The following AP1G1 variants were observed in gnomAD, a reference collection of about 807,000 sequenced individuals.
AP1G1 encodes AP-1 complex subunit gamma-1.
A neutral mutation model predicts 108.3 loss-of-function variants in AP1G1; 7 were observed. The ratio of observed to expected loss-of-function variants is 0.06; its 90% CI spans 0.04 to 0.12. The LOEUF (loss-of-function observed/expected upper bound fraction) is 0.12. Ranked by LOEUF, AP1G1 falls within the 10% of genes least tolerant of loss-of-function variation. The pLI, the probability that AP1G1 is intolerant of heterozygous loss-of-function variation, is 1.00. For synonymous variants in AP1G1, 379 were observed against 353.5 expected, an observed-to-expected ratio of 1.07 and a Z score of -0.81; for missense variants, 756 against 1,010.7, an observed-to-expected ratio of 0.75 and a Z score of 3.42.
chr16:71,731,201 T>C lies in AP1G1; in HGVS notation c.*1857A>G, dbSNP rs1422096050. On this transcript the variant is annotated 3_prime_UTR_variant, in exon 23 of 23. Transcript: ENST00000299980. ...AGTCCACACTTACATTACTGAAAACTATGCAGGAGATATTATCCTGTTCTT... is the reference window on the plus strand; with the variant it reads ...AGTCCACACTTACATTACTGAAAACCATGCAGGAGATATTATCCTGTTCTT... 6.6e-6 allele frequency: 1 copy of C among 152,468 alleles called. No homozygotes were observed. The highest frequency in any genetic ancestry group is 1.9e-4 in the East Asian group (1 of 5,204). 9.4% of individuals were successfully genotyped at this position (152,468 alleles called of 1,614,324 possible).
chr16:71,808,408 C>G, intron 1 of AP1G1: 1 of 1,087,376 alleles, frequency 9.2e-7, no homozygotes, highest in South Asian at 1.6e-5. Flanking sequence ...AGAGAAGACA[C>G]GCGGGGGTGG....
chr16:71,730,926 T>G lies in AP1G1; in HGVS notation c.*2132A>C, dbSNP rs1429692726. On this transcript the variant is annotated 3_prime_UTR_variant, in exon 23 of 23. Coordinates refer to ENST00000299980, the MANE Select transcript of AP1G1 (RefSeq NM_001128.6). ...TCTTATAGCATGGTCTTGAACAGAT[T>G]TCTTCAGAGATTCAACCCAGTTCAA... 6.6e-6 allele frequency: 1 copy of G among 152,388 alleles called. No individual in the cohort carries two copies. The highest frequency in any genetic ancestry group is 6.5e-5 in the Admixed American group (1 of 15,276). 9.4% of individuals were successfully genotyped at this position (152,388 alleles called of 1,614,324 possible).
intron 9 of AP1G1, 145 bp from the exon 10 acceptor site, chr16:71,761,712 G>A (rs1055402189): frequency 5.0e-5 from 26 of 515,704 alleles, no homozygotes; most frequent in Middle Eastern, 1.1e-3. Flanking sequence ...GCTCACGCCT[G>A]TAATCCCAGA....
intron 1 of AP1G1, among the ~76,000 whole-genome samples, chr16:71,798,447 C>G (rs941606125): frequency 6.6e-6 from 1 of 152,068 alleles, no homozygotes; most frequent in African/African-American, 2.4e-5. Context: ...GATCCGCCAG[C>G]CTCGGCCTCC....
chr16:71,737,808 C>T (rs2045568461), intron 21 of AP1G1, among the ~76,000 whole-genome samples: 1 of 152,280 alleles, frequency 6.6e-6, no homozygotes, highest in African/African-American at 2.4e-5. Flanking sequence ...TTAGTCTAAA[C>T]CAGTGGTTGG....
In AP1G1 at chr16:71,773,240, T is replaced by A. The variant is rs146312098; in HGVS notation, c.449A>T (p.Asn150Ile). The A allele has an allele frequency of 1.2e-6, 2 of 1,613,610 alleles. No individual in the cohort carries two copies. The highest frequency in any genetic ancestry group is 3.3e-5 in the Admixed American group (2 of 59,980). The change falls in exon 4 of 23, where the codon AAC becomes ATC. Residue 150 changes from asparagine to isoleucine, a missense_variant. Physicochemically the swap from Asn to Ile is moderately radical, Grantham distance 149. Coordinates refer to ENST00000299980, the MANE Select transcript of AP1G1 (RefSeq NM_001128.6). ...GEVEKLLKTS[N>I]SYLRKKAALC... ...AGTTACCTTTTTTCTTAAGTAAGAG[T>A]TGGAGGTTTTCAGGAGCTTCTCTAC...
intron 19 of AP1G1, among the ~76,000 whole-genome samples, chr16:71,740,984 G>T (rs889739124): frequency 1.3e-5 from 2 of 152,150 alleles, no homozygotes; most frequent in African/African-American, 4.8e-5. Flanking sequence ...GTGGGAAAAA[G>T]AAATAGATTA....
At chr16:71,748,960 G>T (rs1381657247) in intron 15 of AP1G1, among the ~76,000 whole-genome samples, 1 of 151,646 alleles carries the variant, frequency 6.6e-6, no homozygotes, top group African/African-American at 2.4e-5. Flanking sequence ...AGGCTGGAAT[G>T]CAGTGGCGCA....
chr16:71,785,924 T>C (rs1232851417), intron 2 of AP1G1, among the ~76,000 whole-genome samples: 2 of 151,860 alleles, frequency 1.3e-5, no homozygotes, highest in Non-Finnish European at 2.9e-5. Flanking sequence ...TAAATGAAAA[T>C]GGCACTGTGA....
intron 1 of AP1G1, among the ~76,000 whole-genome samples, chr16:71,805,181 C>CT (rs1351511882): frequency 3.3e-5 from 5 of 152,102 alleles, no homozygotes; most frequent in African/African-American, 1.2e-4. Context: ...GCAGTGGCTC[C>CT]TCCTGCCTGT....
chr16:71,783,545 T>A (rs1197959941), intron 2 of AP1G1, among the ~76,000 whole-genome samples: 1 of 152,232 alleles, frequency 6.6e-6, no homozygotes, highest in Non-Finnish European at 1.5e-5. Context: ...GGAAATTTTT[T>A]TTTAATTTTT....
intron 16 of AP1G1, among the ~76,000 whole-genome samples, chr16:71,747,794 C>G (rs1380935055): frequency 2.6e-5 from 4 of 152,090 alleles, no homozygotes; most frequent in Admixed American, 2.6e-4. Context: ...CCAGCCTGGG[C>G]AAACAAACGA....
At chr16:71,794,599 G>A (rs1163764323) in intron 1 of AP1G1, among the ~76,000 whole-genome samples, 1 of 151,808 alleles carries the variant, frequency 6.6e-6, no homozygotes, top group Non-Finnish European at 1.5e-5. Flanking sequence ...AAGCAAAATT[G>A]GGTTTTGGAG....
intron 7 of AP1G1, 65 bp downstream of exon 7, chr16:71,765,424 G>T (rs112434178): frequency 8.4e-7 from 1 of 1,183,766 alleles, no homozygotes; most frequent in South Asian, 1.4e-5. Flanking sequence ...TAAGAGGAAG[G>T]AAATTGTCTA....
intron 11 of AP1G1, 44 bp downstream of exon 11, chr16:71,758,764 A>C: frequency 5.4e-4 from 661 of 1,222,954 alleles, no homozygotes; most frequent in Non-Finnish European, 7.3e-4. Flanking sequence ...CTGTCACTCA[A>C]TTTACCAAAA....
chr16:71,788,573 A>AATTTCCTT (rs1299459757), intron 2 of AP1G1, among the ~76,000 whole-genome samples: 1 of 152,042 alleles, frequency 6.6e-6, no homozygotes, highest in Non-Finnish European at 1.5e-5. Flanking sequence ...GCAACCACCT[A>AATTTCCTT]ATTTCCTTAA....
At position 71,739,275 on chromosome 16, in the gene AP1G1, T is replaced by C. The variant is rs766188692; in HGVS notation, c.2066A>G (p.Asp689Gly). The C allele has an allele frequency of 1.9e-6, 3 of 1,613,088 alleles. No individual in the cohort carries two copies. Among genetic ancestry groups the C allele is most frequent in the South Asian group, 1.1e-5 (1 of 90,898 alleles). Residue 689 changes from aspartate (D) to glycine (G), a missense_variant, in exon 20 of 23, where the codon GAT (aspartate) becomes GGT (glycine). This residue lies in a region of AP1G1 where 357 missense variants were observed against 366.5 expected (regional missense o/e 0.97). Transcript: ENST00000299980. ...PQISQPPFLL[D>G]GLSSQPLFND... ...GAAGAGAGGCTGTGATGAAAGCCCA[T>C]CCAACAAGAAGGGGGGCTGGGATAT...
chr16:71,742,808 A>C (rs1325459804), intron 19 of AP1G1: 1 of 151,972 alleles, frequency 6.6e-6, no homozygotes, highest in South Asian at 2.1e-4. Context: ...CATCTCTAAT[A>C]AAAAAATACA....
At chr16:71,807,881 G>C in intron 1 of AP1G1, 1 of 1,285,018 alleles carries the variant, frequency 7.8e-7, no homozygotes, top group Non-Finnish European at 1.0e-6. Flanking sequence ...TACCACACAA[G>C]TGTCAGTAAG....
Sources: allele counts gnomAD v4.1 joint callset (sites outside exome capture counted in the v4.1 genomes callset), GRCh38; gene constraint gnomAD v4.1.1; regional missense constraint gnomAD v4.1.1; transcripts MANE v1.5; gene names NCBI Gene and HGNC (gene_info 2026-07-23, HGNC 2026-07-21).